Variants in ZAN observed in about 807,000 individuals in gnomAD.
ZAN encodes the protein zonadhesin (gene/pseudogene).
Under a neutral mutation model 286.2 loss-of-function variants are expected in ZAN, and 260 were observed. The ratio of observed to expected loss-of-function variants is 0.91; its 90% CI spans 0.82 to 1.01. The LOEUF (loss-of-function observed/expected upper bound fraction) is 1.01, where lower values mean the gene tolerates loss of function less well. Ranked by LOEUF, ZAN falls within the 50% of genes least tolerant of loss-of-function variation. The probability of loss-of-function intolerance (pLI) is 0.00; values close to 1 mark genes in which losing one functional copy is unlikely to be tolerated. For synonymous variants in ZAN, 1,368 were observed against 1,417.5 expected, an observed-to-expected ratio of 0.97 and a Z score of 0.79; for missense variants, 3,410 against 3,639.2, an observed-to-expected ratio of 0.94 and a Z score of 1.62.
intron 8 of ZAN, 73 bp downstream of exon 8, chr7:100,746,775 TG>T: frequency 6.5e-7 from 1 of 1,529,680 alleles, no homozygotes; most frequent in Non-Finnish European, 9.0e-7. Context: ...TGGGGAAACA[TG>T]GGGCATCCCT....
In ZAN at chr7:100,790,925, C is replaced by A. The variant is rs1258498279; in HGVS notation, c.7358-17C>A. On this transcript the variant is annotated splice_polypyrimidine_tract_variant and intron_variant, in intron 39 of 47. Transcript: ENST00000613979. Reference sequence around the variant, plus strand: ...GAGTGAGGAGTCTCACTTCTGGGGACCCCCTTCCTCCCGCAGTGATCTCCC... The same window carrying A: ...GAGTGAGGAGTCTCACTTCTGGGGAACCCCTTCCTCCCGCAGTGATCTCCC... The A allele has an allele frequency of 6.3e-7, 1 of 1,588,078 alleles. No homozygotes were observed. Among genetic ancestry groups the A allele is most frequent in the Non-Finnish European group, 8.6e-7 (1 of 1,168,040 alleles).
Position 100,734,025 on chromosome 7 carries a change from A to C in ZAN, c.-142-2A>C. ...TCAACTCTCATAATTTTAATTTCCC[A>C]GAGCTTTTCTGTGTTTCTCTGTTCA... On this transcript the variant is annotated splice_acceptor_variant, in intron 1 of 47. Coordinates refer to ENST00000613979, the MANE Select transcript of ZAN (RefSeq NM_003386.3). LOFTEE classifies it low-confidence loss of function (5UTR_SPLICE). 1 of 515,094 alleles carries C rather than the reference A, an allele frequency of 1.9e-6. No individual in the cohort carries two copies. The highest frequency in any genetic ancestry group is 3.6e-6 in the Non-Finnish European group (1 of 273,994). The allele number at this position is 515,094 out of a possible 1,614,324, so 31.9% of individuals were successfully genotyped here.
At position 100,737,113 on chromosome 7, in the gene ZAN, G is replaced by C. The variant is rs374256303; in HGVS notation, c.525+33G>C. On this transcript the variant is annotated intron_variant, in intron 5 of 47. Transcript: ENST00000613979. ...CGGGGACAAATTGTGGGACCTCGGG[G>C]GGGAGTCTGGGTGTTGGAGAGCCTG... The C allele has an allele frequency of 3.5e-5, 51 of 1,474,462 alleles. 7 individuals carry two copies. In the African/African-American group the frequency reaches 6.6e-4, roughly 19 times the overall value. The allele number at this position is 1,474,462 out of a possible 1,614,324, so 91.3% of individuals were successfully genotyped here. A position where few individuals can be genotyped will look rare whatever the true frequency, so the allele number is the denominator to read the frequency against.
chr7:100,756,447 G>A (rs1261805779), intron 15 of ZAN, among the ~76,000 whole-genome samples: 1 of 151,214 alleles, frequency 6.6e-6, no homozygotes, highest in Admixed American at 6.6e-5. Context: ...AAAAAGAAAA[G>A]TGCATTAAGC....
intron 25 of ZAN, among the ~76,000 whole-genome samples, 174 bp from the exon 26 acceptor site, chr7:100,767,657 T>C (rs1388369493): frequency 1.3e-5 from 2 of 151,574 alleles, no homozygotes. Flanking sequence ...TTTTTCACTT[T>C]TTGTAGAGAC....
At position 100,766,795 on chromosome 7, in the gene ZAN, C is replaced by T. The variant is rs1810005746; in HGVS notation, c.4612+129C>T. The T allele has an allele frequency of 1.7e-5, 24 of 1,433,254 alleles. No homozygotes were observed. The South Asian group carries it at 3.5e-4, about 21-fold the overall frequency. The allele number at this position is 1,433,254 out of a possible 1,614,324, so 88.8% of individuals were successfully genotyped here. On this transcript the variant is annotated intron_variant, in intron 24 of 47. Transcript: ENST00000613979. The stretch of plus-strand genomic sequence containing the variant: ...CAGGGCCTGGGAGGGGCAGCAGGGG[C>T]AGCATTTTCAGGGACCCAAAGGGTG...
intron 31 of ZAN, among the ~76,000 whole-genome samples, chr7:100,774,330 A>G (rs1315675224): frequency 6.6e-6 from 1 of 152,120 alleles, no homozygotes; most frequent in Admixed American, 6.6e-5. Flanking sequence ...AGATCGTGCC[A>G]TTGCACTCCA....
At position 100,777,201 on chromosome 7, in the gene ZAN, G is replaced by A. The variant is rs376223951; in HGVS notation, c.6317+637G>A. On this transcript the variant is annotated intron_variant, in intron 34 of 47. Coordinates refer to ENST00000613979, the MANE Select transcript of ZAN (RefSeq NM_003386.3). ...TGGGATTACAGGCACCCGCCACCAC[G>A]CCTGGCTACTTTTTGTAGTTTTTAG... Among the ~76,000 whole-genome samples the A allele has an allele frequency of 5.3e-5, 8 of 150,980 alleles. 1 individual carries two copies. In the East Asian group the frequency reaches 1.2e-3, roughly 22 times the overall value.
intron 29 of ZAN, among the ~76,000 whole-genome samples, chr7:100,772,981 C>T (rs1348077980): frequency 1.3e-5 from 2 of 150,856 alleles, no homozygotes; most frequent in South Asian, 2.1e-4. Flanking sequence ...AAGAGATTCT[C>T]GTGTCTCAGC....
chr7:100,759,976 G>A lies in ZAN; in HGVS notation c.3696+131G>A, dbSNP rs76567048. ...GACCTGCAATCCCAGCTCCTTGGGA[G>A]GCTAAAGTGGGAGGATTGCTTGAGG... On this transcript the variant is annotated intron_variant, in intron 18 of 47. Transcript: ENST00000613979. 222 of 1,369,986 alleles carry A rather than the reference G, an allele frequency of 1.6e-4. No homozygotes were observed. In the African/African-American group the frequency reaches 3.0e-3, roughly 19 times the overall value. The allele number at this position is 1,369,986 out of a possible 1,614,324, so 84.9% of individuals were successfully genotyped here.
intron 39 of ZAN, among the ~76,000 whole-genome samples, chr7:100,789,683 G>A (rs948673644): frequency 2.6e-5 from 4 of 152,046 alleles, no homozygotes; most frequent in Non-Finnish European, 4.4e-5. Context: ...AGTGGCTCAC[G>A]CCTGTAATCC....
At chr7:100,794,974 AAAGGAAGAGAGG>A (rs1197058785) in intron 44 of ZAN, among the ~76,000 whole-genome samples, 1 of 151,784 alleles carries the variant, frequency 6.6e-6, no homozygotes, top group Non-Finnish European at 1.5e-5. Flanking sequence ...AAGGAGGAAG[AAAGGAAGAGAGG>A]AAGGAAGAGA....
chr7:100,782,682 TG>T (rs537078148), intron 35 of ZAN, among the ~76,000 whole-genome samples: 20,414 of 140,054 alleles, frequency 0.15, 3,055 homozygotes, highest in East Asian at 0.59. Flanking sequence ...GGGTTTTTTT[TG>T]TGTGTGTGTG....
chr7:100,758,495 A>C, intron 16 of ZAN, 36 bp from the exon 17 acceptor site: 2 of 1,553,984 alleles, frequency 1.3e-6, no homozygotes, highest in Non-Finnish European at 1.7e-6. Flanking sequence ...GAGGAGCCAC[A>C]GAAGCAGCTT....
chr7:100,769,250 C>G (rs1353970306), intron 27 of ZAN, among the ~76,000 whole-genome samples: 3 of 152,046 alleles, frequency 2.0e-5, no homozygotes, highest in Admixed American at 1.3e-4. Flanking sequence ...CTCGCCACCA[C>G]GCCCGGCTAA....
chr7:100,772,411 CA>C (rs1294211806), intron 29 of ZAN, among the ~76,000 whole-genome samples: 1 of 151,524 alleles, frequency 6.6e-6, no homozygotes, highest in African/African-American at 2.4e-5. Flanking sequence ...GCCTGGGCAA[CA>C]AGAGTGAAAC....
chr7:100,796,899 A>G (rs1471257430), intron 45 of ZAN, among the ~76,000 whole-genome samples: 1 of 151,944 alleles, frequency 6.6e-6, no homozygotes, highest in Non-Finnish European at 1.5e-5. Flanking sequence ...GGACTTTGGG[A>G]GGCCAAGGCG....
rs530541336 is a variant in ZAN, at chr7:100,797,273, G to T, written c.8267-93G>T. 6.7e-6 allele frequency: 8 copies of T among 1,192,880 alleles called. No individual in the cohort carries two copies. In the Admixed American group the frequency reaches 9.8e-5, roughly 15 times the overall value. The allele number at this position is 1,192,880 out of a possible 1,614,324, so 73.9% of individuals were successfully genotyped here. ...GAGATTTAGAGAGATGAGGTCCCCT[G>T]GGGTAGCAAGCAATCCCCAAAAGGG... On this transcript the variant is annotated intron_variant, in intron 45 of 47. Transcript: ENST00000613979.
chr7:100,762,422 T>A, intron 20 of ZAN, 64 bp downstream of exon 20: 77 of 651,400 alleles, frequency 1.2e-4, no homozygotes, highest in South Asian at 3.9e-4. Flanking sequence ...GAACTCTCTT[T>A]TTTTTTTTTT....
Sources: allele counts gnomAD v4.1 joint callset (sites outside exome capture counted in the v4.1 genomes callset), GRCh38; gene constraint gnomAD v4.1.1; transcripts MANE v1.5; gene names NCBI Gene and HGNC (gene_info 2026-07-23, HGNC 2026-07-21).